PABPC4L: variants seen among roughly 807,000 people sequenced by gnomAD.
The protein encoded by PABPC4L is polyadenylate-binding protein 4-like.
For missense variants in PABPC4L, 452 were observed against 451.4 expected (o/e 1.00, Z -0.01); for synonymous variants, 169 against 164.1 (o/e 1.03, Z -0.23).
At chr4:134,001,942 GTGGA>G in the PABPC4L span, among the ~76,000 whole-genome samples, 1 of 151,984 alleles carries the variant, frequency 6.6e-6, no homozygotes, top group Non-Finnish European at 1.5e-5. Context: ...TCAGAATCAA[GTGGA>G]TAAGCCTGAA....
At chr4:134,177,685 T>A in the PABPC4L span, among the ~76,000 whole-genome samples, 1 of 152,084 alleles carries the variant, frequency 6.6e-6, no homozygotes, top group Non-Finnish European at 1.5e-5. Context: ...GGTAAGCACA[T>A]CTTTATATTG....
the PABPC4L span, among the ~76,000 whole-genome samples, chr4:134,075,039 G>C: frequency 2.0e-5 from 3 of 152,120 alleles, no homozygotes; most frequent in African/African-American, 7.2e-5. Flanking sequence ...AAATGATTAT[G>C]TTTAAATTAT....
At chr4:134,039,632 T>C in the PABPC4L span, among the ~76,000 whole-genome samples, 1 of 152,154 alleles carries the variant, frequency 6.6e-6, no homozygotes, top group African/African-American at 2.4e-5. Context: ...TATCAGAGAC[T>C]AGGATTGCAA....
At chr4:134,196,029 A>C (rs1729645254), downstream of PABPC4L, among the ~76,000 whole-genome samples, 1 of 151,504 alleles carries the variant, frequency 6.6e-6, no homozygotes, top group Non-Finnish European at 1.5e-5. Context: ...TTCCAAATGT[A>C]CTATGAGTAA....
At chr4:134,059,412 C>T in the PABPC4L span, among the ~76,000 whole-genome samples, 59 of 134,136 alleles carry the variant, frequency 4.4e-4, no homozygotes, top group African/African-American at 1.4e-3. Flanking sequence ...ATATAGTGTG[C>T]GTGTATATAT....
the PABPC4L span, among the ~76,000 whole-genome samples, chr4:134,184,111 A>G: frequency 1.3e-5 from 2 of 151,982 alleles, no homozygotes; most frequent in Non-Finnish European, 2.9e-5. Context: ...TAAAGAGTGT[A>G]TGACACTGGC....
At chr4:134,144,748 C>G in the PABPC4L span, among the ~76,000 whole-genome samples, 3 of 151,690 alleles carry the variant, frequency 2.0e-5, no homozygotes, top group African/African-American at 7.2e-5. Context: ...TTTCATCAGA[C>G]AGTTTTCAAA....
chr4:133,999,354 C>T, the PABPC4L span, among the ~76,000 whole-genome samples: 4 of 152,084 alleles, frequency 2.6e-5, no homozygotes, highest in African/African-American at 9.6e-5. Flanking sequence ...AAACCTAACA[C>T]TGGAATTGAT....
the PABPC4L span, among the ~76,000 whole-genome samples, chr4:134,092,709 T>C: frequency 1.3e-5 from 2 of 151,968 alleles, no homozygotes; most frequent in Non-Finnish European, 2.9e-5. Context: ...TCACCCCAGC[T>C]CCTGCATCCA....
the PABPC4L span, among the ~76,000 whole-genome samples, chr4:133,965,383 G>C: frequency 6.6e-6 from 1 of 151,998 alleles, no homozygotes. Context: ...GTGTGATAAT[G>C]ACCATACTGC....
At chr4:134,113,053 G>A in the PABPC4L span, among the ~76,000 whole-genome samples, 1 of 151,686 alleles carries the variant, frequency 6.6e-6, no homozygotes, top group Admixed American at 6.6e-5. Context: ...ATTTAAAAAT[G>A]GAAAAAAATT....
the PABPC4L span, among the ~76,000 whole-genome samples, chr4:134,027,786 T>C: frequency 6.6e-6 from 1 of 152,268 alleles, no homozygotes; most frequent in South Asian, 2.1e-4. Context: ...AATTACAAAT[T>C]GTCAATTTAC....
At chr4:134,123,804 T>G in the PABPC4L span, among the ~76,000 whole-genome samples, 1 of 151,904 alleles carries the variant, frequency 6.6e-6, no homozygotes, top group African/African-American at 2.4e-5. Context: ...GTATTTAGTA[T>G]TTGGTAGTTC....
the PABPC4L span, among the ~76,000 whole-genome samples, chr4:133,980,194 T>C: frequency 1.3e-5 from 2 of 152,218 alleles, no homozygotes; most frequent in Admixed American, 6.6e-5. Context: ...AGTATTTTTG[T>C]ATAATAATTA....
the PABPC4L span, among the ~76,000 whole-genome samples, chr4:134,117,181 A>G: frequency 6.6e-6 from 1 of 151,686 alleles, no homozygotes; most frequent in East Asian, 1.9e-4. Flanking sequence ...TAATCCTGAC[A>G]CTTCTACCAT....
the PABPC4L span, among the ~76,000 whole-genome samples, chr4:134,185,000 T>C: frequency 1.3e-5 from 2 of 152,072 alleles, no homozygotes; most frequent in Admixed American, 1.3e-4. Context: ...CTTCTGCCTA[T>C]TTTTTAAATC....
chr4:133,973,634 C>T, the PABPC4L span, among the ~76,000 whole-genome samples: 3 of 152,024 alleles, frequency 2.0e-5, no homozygotes, highest in Admixed American at 2.0e-4. Flanking sequence ...GTTTGGAGAT[C>T]CCAAAACTCC....
At chr4:134,002,343 T>G in the PABPC4L span, among the ~76,000 whole-genome samples, 12 of 151,982 alleles carry the variant, frequency 7.9e-5, no homozygotes, top group Non-Finnish European at 1.6e-4. Flanking sequence ...TAAAAATTTA[T>G]ATGCAGGAAT....
At chr4:134,187,093 TG>T in the PABPC4L span, among the ~76,000 whole-genome samples, 1 of 152,094 alleles carries the variant, frequency 6.6e-6, no homozygotes, top group Non-Finnish European at 1.5e-5. Flanking sequence ...ACACTGTCGG[TG>T]GGACTGTAAA....
Sources: allele counts gnomAD v4.1 joint callset (sites outside exome capture counted in the v4.1 genomes callset), GRCh38; gene constraint gnomAD v4.1.1; transcripts MANE v1.5; gene names NCBI Gene and HGNC (gene_info 2026-07-23, HGNC 2026-07-21).